Variants in ATXN2 observed in about 807,000 individuals in gnomAD.
The protein encoded by ATXN2 is ataxin-2.
ATXN2 carries 37 observed loss-of-function variants against 138.6 expected under a neutral mutation model. The observed-to-expected ratio is 0.27, with a 90% CI of 0.21 to 0.35. The LOEUF (loss-of-function observed/expected upper bound fraction) is 0.35. Ranked by LOEUF, ATXN2 falls within the 10% of genes least tolerant of loss-of-function variation. The pLI, the probability that ATXN2 is intolerant of heterozygous loss-of-function variation, is 1.00. For synonymous variants in ATXN2, 549 were observed against 543.7 expected, an observed-to-expected ratio of 1.01 and a Z score of -0.13; for missense variants, 1,216 against 1,480.3, an observed-to-expected ratio of 0.82 and a Z score of 2.93.
At chr12:111,589,012 A>AAAC (rs1884499286) in intron 1 of ATXN2, among the ~76,000 whole-genome samples, 1 of 136,356 alleles carries the variant, frequency 7.3e-6, no homozygotes, top group Admixed American at 7.1e-5. Flanking sequence ...AAAAAAAAAA[A>AAAC]AAAAAAAAAA....
chr12:111,508,587 C>T (rs1879321466), intron 14 of ATXN2, among the ~76,000 whole-genome samples: 1 of 151,036 alleles, frequency 6.6e-6, no homozygotes, highest in Admixed American at 6.6e-5. Flanking sequence ...GCTGGGATTA[C>T]AAGTGTGCGC....
intron 14 of ATXN2, among the ~76,000 whole-genome samples, chr12:111,495,180 C>T (rs1318052352): frequency 6.6e-6 from 1 of 151,816 alleles, no homozygotes; most frequent in Non-Finnish European, 1.5e-5. Flanking sequence ...TGGTGGCAGG[C>T]GCCTGTAATC....
At chr12:111,579,311 G>C (rs1883852711) in intron 1 of ATXN2, among the ~76,000 whole-genome samples, 1 of 152,110 alleles carries the variant, frequency 6.6e-6, no homozygotes, top group Non-Finnish European at 1.5e-5. Flanking sequence ...TGCCCAGGCT[G>C]GAGTGCAATG....
chr12:111,594,888 C>T (rs917307419), intron 1 of ATXN2, among the ~76,000 whole-genome samples: 2 of 152,126 alleles, frequency 1.3e-5, no homozygotes, highest in South Asian at 2.1e-4. Context: ...ACTATCAGCA[C>T]GACAGATAAA....
intron 13 of ATXN2, 126 bp downstream of exon 13, chr12:111,509,765 A>G: frequency 1.0e-6 from 1 of 957,094 alleles, no homozygotes; most frequent in Non-Finnish European, 1.6e-6. Flanking sequence ...GAATTTGTCA[A>G]GCAATACATT....
Position 111,598,732 on chromosome 12 carries a change from G to C in ATXN2, c.251+52C>G, listed in dbSNP as rs1885070538. 2.7e-6 allele frequency: 3 copies of C among 1,102,888 alleles called. No homozygotes were observed. The highest frequency in any genetic ancestry group is 4.9e-5 in the Admixed American group (1 of 20,604). The allele number at this position is 1,102,888 out of a possible 1,614,324, so 68.3% of individuals were successfully genotyped here. ...GGCGGGGACGGCGGCGCGGGCCGCG[G>C]GGGAGGGGACGCCGGGCCCGGAGCG... On this transcript the variant is annotated intron_variant, in intron 1 of 24. Coordinates refer to ENST00000673436, the MANE Select transcript of ATXN2 (RefSeq NM_001372574.1). This position sits in a 1 kb window ranked among gnomAD's most constrained non-coding sequence, Gnocchi z 4.5.
intron 18 of ATXN2, among the ~76,000 whole-genome samples, chr12:111,474,617 A>ACAAAAC (rs1876664001): frequency 6.6e-6 from 1 of 152,034 alleles, no homozygotes. Context: ...AAAACAAAAA[A>ACAAAAC]CAAAACCAAA....
At chr12:111,589,173 G>A (rs1210033363) in intron 1 of ATXN2, among the ~76,000 whole-genome samples, 2 of 151,028 alleles carry the variant, frequency 1.3e-5, no homozygotes, top group Non-Finnish European at 2.9e-5. Flanking sequence ...AAATTAGCCA[G>A]GCATGGTGGC....
At chr12:111,498,856 G>A (rs1443868181) in intron 14 of ATXN2, among the ~76,000 whole-genome samples, 7 of 152,082 alleles carry the variant, frequency 4.6e-5, no homozygotes, top group Non-Finnish European at 8.8e-5. Context: ...AAAAGATATA[G>A]ATCAATGAAA....
At chr12:111,578,095 G>A (rs2135824811) in intron 1 of ATXN2, among the ~76,000 whole-genome samples, 1 of 152,308 alleles carries the variant, frequency 6.6e-6, no homozygotes, top group East Asian at 1.9e-4. Flanking sequence ...TATTCAGGAG[G>A]TTGAGGCAGG....
At chr12:111,588,062 C>A (rs1019078649) in intron 1 of ATXN2, among the ~76,000 whole-genome samples, 1 of 151,894 alleles carries the variant, frequency 6.6e-6, no homozygotes, top group Non-Finnish European at 1.5e-5. Context: ...TGGGGCGCAC[C>A]AGTAGTTCCA....
chr12:111,598,177 T>A lies in ATXN2; in HGVS notation c.251+607A>T. 1 of 1,076,360 alleles carries A rather than the reference T, an allele frequency of 9.3e-7. No individual in the cohort carries two copies. The highest frequency in any genetic ancestry group is 1.1e-6 in the Non-Finnish European group (1 of 881,176). 66.7% of individuals were successfully genotyped at this position (1,076,360 alleles called of 1,614,324 possible). A position where few individuals can be genotyped will look rare whatever the true frequency, so the allele number is the denominator to read the frequency against. On this transcript the variant is annotated intron_variant, in intron 1 of 24. Coordinates refer to ENST00000673436, the MANE Select transcript of ATXN2 (RefSeq NM_001372574.1). The surrounding 1 kb of genome is among the most constrained non-coding windows in gnomAD (Gnocchi z 4.5). Reference sequence around the variant, plus strand: ...AGGGGTGCGGGGGCCAAGGCCCACTTGTCTCCACCCCGTCCTCCGATCTTT... The same window carrying A: ...AGGGGTGCGGGGGCCAAGGCCCACTAGTCTCCACCCCGTCCTCCGATCTTT...
intron 6 of ATXN2, among the ~76,000 whole-genome samples, chr12:111,523,930 T>A (rs573588964): frequency 6.6e-6 from 1 of 152,124 alleles, no homozygotes; most frequent in Non-Finnish European, 1.5e-5. Context: ...TCTTCACATA[T>A]AATTATTTGC....
At chr12:111,563,186 C>G (rs921875421) in intron 1 of ATXN2, among the ~76,000 whole-genome samples, 2 of 152,164 alleles carry the variant, frequency 1.3e-5, no homozygotes, top group Non-Finnish European at 2.9e-5. Context: ...GACAAAGAAA[C>G]TGCTTTGGAT....
intron 5 of ATXN2, among the ~76,000 whole-genome samples, chr12:111,535,999 CAA>C (rs766582583): frequency 7.6e-5 from 5 of 65,804 alleles, no homozygotes; most frequent in Admixed American, 1.8e-4. Flanking sequence ...GACTCCGTCT[CAA>C]AAAAAAAAAA....
At chr12:111,491,340 T>C (rs1878019032) in intron 14 of ATXN2, among the ~76,000 whole-genome samples, 1 of 152,142 alleles carries the variant, frequency 6.6e-6, no homozygotes, top group African/African-American at 2.4e-5. Flanking sequence ...AAAGGCAGTC[T>C]AGACCAGAAG....
chr12:111,515,397 C>T (rs1879796819), intron 10 of ATXN2, among the ~76,000 whole-genome samples: 1 of 151,916 alleles, frequency 6.6e-6, no homozygotes, highest in South Asian at 2.1e-4. Flanking sequence ...AGAATGTTAC[C>T]TTTCTACAAC....
intron 9 of ATXN2, among the ~76,000 whole-genome samples, chr12:111,517,750 T>A (rs1056824370): frequency 5.3e-5 from 8 of 152,184 alleles, no homozygotes; most frequent in African/African-American, 1.9e-4. Flanking sequence ...GTCACTTTCT[T>A]CACATGACTC....
intron 15 of ATXN2, 22 bp downstream of exon 15, chr12:111,488,454 T>TC: frequency 6.3e-7 from 1 of 1,586,888 alleles, no homozygotes; most frequent in Non-Finnish European, 8.6e-7. Flanking sequence ...AACAGGATGG[T>TC]CTAAGTTCCA....
Sources: gnomAD v4.1 joint callset for allele counts (sites outside exome capture counted in the v4.1 genomes callset) on GRCh38, gnomAD v4.1.1 for gene constraint, Gnocchi (gnomAD v3.1) non-coding constraint, MANE v1.5 for transcripts, NCBI Gene and HGNC (gene_info 2026-07-23, HGNC 2026-07-21) for gene names.